ZFPM1: variants seen among roughly 807,000 people sequenced by gnomAD.
ZFPM1 encodes the protein zinc finger protein, FOG family member 1.
In ZFPM1, 28 loss-of-function variants were observed where a neutral mutation model predicts 46.3. The observed-to-expected ratio is 0.60, with a 90% CI of 0.45 to 0.83. ZFPM1 has a LOEUF of 0.83. ZFPM1 is among the 40% of genes least tolerant of loss of function. ZFPM1 has a pLI of 0.00. For synonymous variants in ZFPM1, 957 were observed against 675.9 expected (o/e 1.42, Z -6.45); for missense variants, 1,878 against 1,432.4 (o/e 1.31, Z -5.02).
chr16:88,501,028 G>A (rs1910224635), intron 3 of ZFPM1, among the ~76,000 whole-genome samples: 2 of 151,790 alleles, frequency 1.3e-5, no homozygotes, highest in South Asian at 4.1e-4. Flanking sequence ...CTCCTGCCCA[G>A]GAGGGAAACT....
Position 88,532,077 on chromosome 16 carries a change from A to G in ZFPM1, c.788A>G (p.Tyr263Cys). The G allele has an allele frequency of 6.2e-7, 1 of 1,612,382 alleles. No individual in the cohort carries two copies. Among genetic ancestry groups the G allele is most frequent in the Non-Finnish European group, 8.5e-7 (1 of 1,179,722 alleles). Residue 263 changes from tyrosine (Y) to cysteine (C), a missense_variant, in exon 7 of 10, where the codon TAC becomes TGC. By Grantham distance (194) the Tyr-to-Cys change is radical. Transcript: ENST00000319555. ...ERNLQAHLLY[Y>C]CASRQGTGSP... is the part of the protein sequence containing the mutation. ...AACCTGCAGGCGCACCTGCTCTACT[A>G]CTGCGCCAGCCGCCAGGGCACCGGC...
Position 88,532,772 on chromosome 16 carries a change from C to T in ZFPM1, c.1043-17C>T. The T allele has an allele frequency of 6.2e-7, 1 of 1,613,094 alleles. No homozygotes were observed. The highest frequency in any genetic ancestry group is 8.5e-7 in the Non-Finnish European group (1 of 1,179,880). On this transcript the variant is annotated splice_polypyrimidine_tract_variant and intron_variant, in intron 8 of 9. Coordinates refer to ENST00000319555, the MANE Select transcript of ZFPM1 (RefSeq NM_153813.3). The stretch of plus-strand genomic sequence containing the variant: ...CCTCCCCGCCCTGGGCCTTGACCAC[C>T]TCGCCATGGCCCACAGGTGTCTGCC...
intron 3 of ZFPM1, among the ~76,000 whole-genome samples, chr16:88,490,056 A>ATT (rs573735372): frequency 9.1e-5 from 13 of 143,440 alleles, no homozygotes; most frequent in African/African-American, 2.8e-4. Context: ...AGTATTTATT[A>ATT]TTTTTTTTTT....
chr16:88,526,653 C>T (rs1912347895), intron 4 of ZFPM1, among the ~76,000 whole-genome samples, 161 bp from the exon 5 acceptor site: 1 of 152,254 alleles, frequency 6.6e-6, no homozygotes, highest in South Asian at 2.1e-4. Flanking sequence ...ATGGCCCATG[C>T]CACACCTCTG....
Position 88,533,959 on chromosome 16 carries a change from G to C in ZFPM1, c.2001G>C (p.Gln667His). Residue 667 changes from glutamine (Q) to histidine (H), a missense_variant, in exon 10 of 10, where the codon CAG (glutamine) becomes CAC (histidine). Coordinates refer to ENST00000319555, the MANE Select transcript of ZFPM1 (RefSeq NM_153813.3). ...GCGGCCGGGGCAGCGAGGGCAGCCA[G>C]AGCCCGGGTAGCTCCGTGGACGACG... ...GAGGRGSEGS[Q>H]SPGSSVDDAE... is the part of the protein sequence containing the mutation. 7.7e-7 allele frequency: 1 copy of C among 1,300,080 alleles called. No individual in the cohort carries two copies. The highest frequency in any genetic ancestry group is 1.0e-6 in the Non-Finnish European group (1 of 1,004,920). The allele number at this position is 1,300,080 out of a possible 1,614,324, so 80.5% of individuals were successfully genotyped here.
chr16:88,465,288 G>A (rs1328535273), intron 1 of ZFPM1, among the ~76,000 whole-genome samples: 2 of 152,262 alleles, frequency 1.3e-5, no homozygotes, highest in Non-Finnish European at 2.9e-5. Flanking sequence ...GCTGGAAACA[G>A]GCTGGTGCTG....
At chr16:88,526,461 G>GCAGATACA (rs1402132895) in intron 4 of ZFPM1, among the ~76,000 whole-genome samples, 40 of 103,208 alleles carry the variant, frequency 3.9e-4, no homozygotes, top group African/African-American at 1.4e-3. Context: ...ACACAGATAC[G>GCAGATACA]CAGACCCGGG....
intron 3 of ZFPM1, among the ~76,000 whole-genome samples, chr16:88,500,717 G>A (rs1335888421): frequency 2.0e-5 from 3 of 152,200 alleles, no homozygotes; most frequent in African/African-American, 7.2e-5. Context: ...GCCCTGTTCT[G>A]GGCTCAGGGT....
At chr16:88,496,716 G>A (rs1469425977) in intron 3 of ZFPM1, among the ~76,000 whole-genome samples, 5 of 152,136 alleles carry the variant, frequency 3.3e-5, no homozygotes, top group African/African-American at 1.2e-4. Flanking sequence ...ACACTGCTGG[G>A]CATCAGAGCA....
In ZFPM1 at chr16:88,514,359, G is replaced by A. The variant is rs200117758; in HGVS notation, c.269-28G>A. ...GCTGGACAGGCCCCAGACCGGGCACGCCTCATGCCTGCGATGTCTCTCTGC... is the reference window on the plus strand; with the variant it reads ...GCTGGACAGGCCCCAGACCGGGCACACCTCATGCCTGCGATGTCTCTCTGC... On this transcript the variant is annotated intron_variant, in intron 3 of 9. Coordinates refer to ENST00000319555, the MANE Select transcript of ZFPM1 (RefSeq NM_153813.3). The A allele has an allele frequency of 9.4e-5, 146 of 1,557,886 alleles. No homozygotes were observed. In the East Asian group the frequency reaches 2.9e-3, roughly 31 times the overall value.
Position 88,471,146 on chromosome 16 carries a change from A to G in ZFPM1, c.41-14793A>G, listed in dbSNP as rs1029530740. 6.6e-6 allele frequency among the ~76,000 whole-genome samples: 1 copy of G among 152,184 alleles called. No homozygotes were observed. Among genetic ancestry groups the G allele is most frequent in the South Asian group, 2.1e-4 (1 of 4,832 alleles). ...AGCCCAGCTCCCCTGCAGCCATGATAGATAGACCAGACTTTTCCTCTCCAC... is the reference window on the plus strand; with the variant it reads ...AGCCCAGCTCCCCTGCAGCCATGATGGATAGACCAGACTTTTCCTCTCCAC... On this transcript the variant is annotated intron_variant, in intron 1 of 9. Coordinates refer to ENST00000319555, the MANE Select transcript of ZFPM1 (RefSeq NM_153813.3). This position sits in a 1 kb window ranked among gnomAD's most constrained non-coding sequence, Gnocchi z 4.1.
chr16:88,462,577 C>G (rs1053153580), intron 1 of ZFPM1, among the ~76,000 whole-genome samples: 1 of 152,200 alleles, frequency 6.6e-6, no homozygotes, highest in South Asian at 2.1e-4. Flanking sequence ...CCTGGACTGT[C>G]AGGGGTGTGG....
chr16:88,497,594 G>A lies in ZFPM1; in HGVS notation c.268+8441G>A, dbSNP rs1352579502. Among the ~76,000 whole-genome samples the A allele has an allele frequency of 4.6e-5, 7 of 152,112 alleles. No homozygotes were observed. The East Asian group carries it at 9.6e-4, about 21-fold the overall frequency. ...GCCAGGGACTGCAAGGAGCTGCCTC[G>A]GTTTTCTTGGCTGTAAAATGGGTAC... On this transcript the variant is annotated intron_variant, in intron 3 of 9. Transcript: ENST00000319555. This position sits in a 1 kb window ranked among gnomAD's most constrained non-coding sequence, Gnocchi z 5.4.
intron 3 of ZFPM1, among the ~76,000 whole-genome samples, chr16:88,499,528 G>A (rs542500522): frequency 2.0e-5 from 3 of 152,324 alleles, no homozygotes; most frequent in African/African-American, 7.2e-5. Flanking sequence ...AGGCAGGACC[G>A]CGCACGTGGA....
rs577514210 is a variant in ZFPM1, at chr16:88,508,059, G to A, written c.269-6328G>A. On this transcript the variant is annotated intron_variant, in intron 3 of 9. Transcript: ENST00000319555. ...CACCTGTAATCCCAGCACTTGGGGAGGCTGAGGTGGGCAGATCATTTGAGG... is the reference window on the plus strand; with the variant it reads ...CACCTGTAATCCCAGCACTTGGGGAAGCTGAGGTGGGCAGATCATTTGAGG... Among the ~76,000 whole-genome samples, 15 of 152,378 alleles carry A rather than the reference G, an allele frequency of 9.8e-5. No individual in the cohort carries two copies. The South Asian group carries it at 3.1e-3, about 32-fold the overall frequency.
chr16:88,526,744 A>C (rs1287475559), intron 4 of ZFPM1, 70 bp from the exon 5 acceptor site: 1 of 1,496,418 alleles, frequency 6.7e-7, no homozygotes, highest in Non-Finnish European at 9.0e-7. Flanking sequence ...GATGCCCCAC[A>C]TACTCACGGG....
At chr16:88,527,760 C>T (rs1041639423) in intron 5 of ZFPM1, among the ~76,000 whole-genome samples, 15 of 151,746 alleles carry the variant, frequency 9.9e-5, no homozygotes, top group East Asian at 3.9e-4. Context: ...CTCCACCACC[C>T]GCCCTCCACG....
chr16:88,526,548 A>C (rs1456218050), intron 4 of ZFPM1, among the ~76,000 whole-genome samples: 2 of 152,148 alleles, frequency 1.3e-5, no homozygotes, highest in Non-Finnish European at 2.9e-5. Flanking sequence ...CTCAGTCTCC[A>C]CAAGAACCCT....
intron 1 of ZFPM1, chr16:88,468,851 T>TA (rs1303456588): frequency 6.6e-6 from 1 of 151,638 alleles, no homozygotes; most frequent in East Asian, 1.9e-4. Context: ...CCTGGGGGAG[T>TA]AGTTCCCATC....
Sources: allele counts gnomAD v4.1 joint callset (sites outside exome capture counted in the v4.1 genomes callset), GRCh38; gene constraint gnomAD v4.1.1; non-coding constraint Gnocchi (gnomAD v3.1); transcripts MANE v1.5; gene names NCBI Gene and HGNC (gene_info 2026-07-23, HGNC 2026-07-21).